Variants in PCDHGA5 observed in about 807,000 individuals in gnomAD.
PCDHGA5 encodes protocadherin gamma subfamily A, 5.
PCDHGA5 carries 36 observed loss-of-function variants against 56.7 expected under a neutral mutation model. The ratio of observed to expected loss-of-function variants is 0.64; its 90% CI spans 0.49 to 0.84. The LOEUF (loss-of-function observed/expected upper bound fraction) is 0.84. Ranked by LOEUF, PCDHGA5 falls within the 40% of genes least tolerant of loss-of-function variation. The probability of loss-of-function intolerance (pLI) is 0.00; values close to 1 mark genes in which losing one functional copy is unlikely to be tolerated. For synonymous variants in PCDHGA5, 563 were observed against 520.2 expected, an observed-to-expected ratio of 1.08 and a Z score of -1.12; for missense variants, 1,305 against 1,201.5, an observed-to-expected ratio of 1.09 and a Z score of -1.27.
At chr5:141,502,441 GAT>G (rs2099814262) in intron 2 of PCDHGA5, among the ~76,000 whole-genome samples, 1 of 152,000 alleles carries the variant, frequency 6.6e-6, no homozygotes, top group Non-Finnish European at 1.5e-5. Flanking sequence ...GTTAGATTCA[GAT>G]TACACACCTT....
rs1477359818 is a variant in PCDHGA5, at chr5:141,397,350, G to A, written c.2421+30599G>A. 3.9e-5 allele frequency among the ~76,000 whole-genome samples: 6 copies of A among 152,268 alleles called. No individual in the cohort carries two copies. In the East Asian group the frequency reaches 9.6e-4, roughly 24 times the overall value. On this transcript the variant is annotated intron_variant, in intron 1 of 3. Coordinates refer to ENST00000518069, the MANE Select transcript of PCDHGA5 (RefSeq NM_018918.3). ...TATTTTTATAAAGAATGTTAATATA[G>A]TCAGGAAGAGGAGATGTTTGGGGAT... is the stretch of plus-strand genomic sequence containing the variant.
intron 1 of PCDHGA5, chr5:141,415,755 T>TTTG: frequency 1.4e-6 from 2 of 1,387,632 alleles, no homozygotes; most frequent in Middle Eastern, 2.6e-4. Context: ...TTTTTTTTTT[T>TTTG]TTTTTTTTTT....
intron 1 of PCDHGA5, among the ~76,000 whole-genome samples, chr5:141,492,760 C>T (rs991820569): frequency 1.3e-5 from 2 of 152,212 alleles, no homozygotes; most frequent in Admixed American, 1.3e-4. Context: ...CAGGGCTCCG[C>T]GTTGGGCGAG....
chr5:141,370,997 C>A (rs1449241372), intron 1 of PCDHGA5: 1 of 1,613,866 alleles, frequency 6.2e-7, no homozygotes, highest in Non-Finnish European at 8.5e-7. Flanking sequence ...CACCCCTGGA[C>A]AGGGAAGAGC....
Position 141,487,673 on chromosome 5 carries a change from C to T in PCDHGA5, c.2422-7134C>T. On this transcript the variant is annotated intron_variant, in intron 1 of 3. Transcript: ENST00000518069. The surrounding 1 kb of genome is among the most constrained non-coding windows in gnomAD (Gnocchi z 5.0). Reference sequence around the variant, plus strand: ...GGGTTATTCTGATCCAGGCATATGGCTAGGCCATGTCCTAGAGAGTACTGG... The same window carrying T: ...GGGTTATTCTGATCCAGGCATATGGTTAGGCCATGTCCTAGAGAGTACTGG... 6.2e-7 allele frequency: 1 copy of T among 1,611,456 alleles called. No homozygotes were observed. Among genetic ancestry groups the T allele is most frequent in the East Asian group, 2.2e-5 (1 of 44,852 alleles).
rs934674909 is a variant in PCDHGA5, at chr5:141,511,083, A to C, written c.2706A>C (p.Thr902=). Residue 902 remains threonine, a synonymous_variant, in exon 4 of 4, where the codon ACA becomes ACC. Transcript: ENST00000518069. The part of the protein sequence containing the change: ...QNVYIPGSNA[T]LTNAAGKRDG... Reference sequence around the variant, plus strand: ...TCTACATCCCAGGCAGCAATGCCACACTGACCAACGCAGCTGGCAAGCGGG... The same window carrying C: ...TCTACATCCCAGGCAGCAATGCCACCCTGACCAACGCAGCTGGCAAGCGGG... 1.2e-6 allele frequency: 2 copies of C among 1,614,108 alleles called. No homozygotes were observed. Among genetic ancestry groups the C allele is most frequent in the African/African-American group, 2.7e-5 (2 of 74,940 alleles).
rs546494803 is a variant in PCDHGA5 at position 141,425,207 on chromosome 5, G to C, written c.2421+58456G>C. Among the ~76,000 whole-genome samples, 7 of 152,120 alleles carry C rather than the reference G, an allele frequency of 4.6e-5. No homozygotes were observed. In the East Asian group the frequency reaches 1.2e-3, roughly 25 times the overall value. ...TCCAAACTGAGAAAAATGATGTAAG[G>C]CATTGTACTTTGACTGGAATTAGTT... On this transcript the variant is annotated intron_variant, in intron 1 of 3. Transcript: ENST00000518069.
chr5:141,374,226 T>C (rs1770289818), intron 1 of PCDHGA5: 1 of 1,613,964 alleles, frequency 6.2e-7, no homozygotes, highest in Non-Finnish European at 8.5e-7. Context: ...GTAGGCAACA[T>C]CGTCAAGGAT....
intron 1 of PCDHGA5, chr5:141,388,506 T>C: frequency 6.2e-7 from 1 of 1,613,870 alleles, no homozygotes; most frequent in Non-Finnish European, 8.5e-7. Flanking sequence ...GCAGAAATCC[T>C]ACCACTTGAC....
At chr5:141,372,646 C>A in intron 1 of PCDHGA5, 2 of 1,614,008 alleles carry the variant, frequency 1.2e-6, no homozygotes, top group Non-Finnish European at 1.7e-6. Context: ...TTGCCTTATT[C>A]CTACAATCCG....
chr5:141,423,671 T>C (rs773279181), intron 1 of PCDHGA5: 7 of 1,550,720 alleles, frequency 4.5e-6, no homozygotes, highest in Non-Finnish European at 5.2e-6. Context: ...GTGAGATTTA[T>C]TTCTCTGCCT....
intron 1 of PCDHGA5, chr5:141,391,730 G>T (rs1334378138): frequency 1.3e-5 from 2 of 152,140 alleles, no homozygotes; most frequent in African/African-American, 4.8e-5. Flanking sequence ...AGACTTTTTT[G>T]TAGTCATACT....
intron 1 of PCDHGA5, chr5:141,409,027 TGA>T: frequency 1.9e-6 from 3 of 1,613,978 alleles, no homozygotes; most frequent in Non-Finnish European, 2.5e-6. Context: ...GGGTCAATGC[TGA>T]GATAAACTAC....
chr5:141,430,997 C>G, intron 1 of PCDHGA5: 1 of 1,613,926 alleles, frequency 6.2e-7, no homozygotes. Context: ...CCTGAATCCG[C>G]GCAGCGGCAG....
chr5:141,510,239 C>T (rs2099880022), intron 3 of PCDHGA5, among the ~76,000 whole-genome samples: 1 of 150,434 alleles, frequency 6.6e-6, no homozygotes, highest in Non-Finnish European at 1.5e-5. Flanking sequence ...CGCCACTGCA[C>T]TCCAGGCTGG....
intron 2 of PCDHGA5, among the ~76,000 whole-genome samples, chr5:141,497,390 C>T (rs2099776143): frequency 6.6e-6 from 1 of 152,158 alleles, no homozygotes; most frequent in Non-Finnish European, 1.5e-5. Context: ...GAGCACCTTA[C>T]CCCTGCCTCA....
intron 1 of PCDHGA5, chr5:141,376,461 T>C: frequency 1.2e-6 from 2 of 1,614,210 alleles, no homozygotes; most frequent in South Asian, 1.1e-5. Flanking sequence ...CCTCTTCTGA[T>C]AACTCAGGAT....
intron 1 of PCDHGA5, chr5:141,422,638 T>G (rs1412270971): frequency 6.2e-7 from 1 of 1,612,392 alleles, no homozygotes. Context: ...CAGGGGTGCC[T>G]CCATCTTCTC....
At chr5:141,372,656 G>A in intron 1 of PCDHGA5, 1 of 1,613,956 alleles carries the variant, frequency 6.2e-7, no homozygotes, top group Non-Finnish European at 8.5e-7. Flanking sequence ...CCTACAATCC[G>A]TGTGCTGCCT....
Sources: allele counts gnomAD v4.1 joint callset (sites outside exome capture counted in the v4.1 genomes callset), GRCh38; gene constraint gnomAD v4.1.1; non-coding constraint Gnocchi (gnomAD v3.1); transcripts MANE v1.5; gene names NCBI Gene and HGNC (gene_info 2026-07-23, HGNC 2026-07-21).